The following MYOF variants were observed in gnomAD, a reference collection of about 807,000 sequenced individuals.
MYOF encodes the protein fer-1-like 3, myoferlin.
Under a neutral mutation model 284.2 loss-of-function variants are expected in MYOF, and 244 were observed. The observed-to-expected ratio is 0.86, with a 90% CI of 0.77 to 0.95. The LOEUF (loss-of-function observed/expected upper bound fraction) is 0.95, where lower values mean the gene tolerates loss of function less well. Among genes scored for constraint, MYOF ranks in the 40% least tolerant of loss-of-function variants. The probability of loss-of-function intolerance (pLI) is 0.00; values close to 1 mark genes in which losing one functional copy is unlikely to be tolerated. For synonymous variants in MYOF, 904 were observed against 919.7 expected (o/e 0.98, Z 0.31); for missense variants, 2,496 against 2,560.6 (o/e 0.97, Z 0.54).
At chr10:93,410,640 T>C (rs1365406737) in intron 5 of MYOF, among the ~76,000 whole-genome samples, 1 of 152,178 alleles carries the variant, frequency 6.6e-6, no homozygotes, top group Non-Finnish European at 1.5e-5. Context: ...ACGAGCTCTT[T>C]GAAACTCGCT....
Position 93,399,778 on chromosome 10 carries a change from A to G in MYOF, c.1118-283T>C, listed in dbSNP as rs191961921. ...TCCCAGCTACTCGGGAGGCTGAGGC[A>G]GGAGAACTGCTTGAACCTGGGAGGC... On this transcript the variant is annotated intron_variant, in intron 12 of 53. Transcript: ENST00000359263. 4.2e-3 allele frequency among the ~76,000 whole-genome samples: 643 copies of G among 152,330 alleles called. 4 individuals are homozygous for G. Among genetic ancestry groups the G allele is most frequent in the African/African-American group, 0.014 (601 of 41,580 alleles).
intron 22 of MYOF, among the ~76,000 whole-genome samples, chr10:93,375,220 G>A (rs772819761): frequency 4.0e-4 from 61 of 152,312 alleles, no homozygotes; most frequent in African/African-American, 1.4e-3. Flanking sequence ...TTTAACCTAC[G>A]GCCCAAGGAG....
At chr10:93,415,217 GC>G (rs766610658) in intron 5 of MYOF, among the ~76,000 whole-genome samples, 11 of 151,800 alleles carry the variant, frequency 7.2e-5, no homozygotes, top group Non-Finnish European at 1.0e-4. Flanking sequence ...CCCACTGCAT[GC>G]CCCTCGATCC....
chr10:93,338,375 T>G (rs184235554), intron 39 of MYOF: 283 of 456,794 alleles, frequency 6.2e-4, no homozygotes, highest in Non-Finnish European at 1.0e-3. Flanking sequence ...TTAATTCAAG[T>G]TCCTTCCTTT....
At chr10:93,405,831 TC>T (rs1847537374) in intron 7 of MYOF, among the ~76,000 whole-genome samples, 1 of 149,274 alleles carries the variant, frequency 6.7e-6, no homozygotes, top group South Asian at 2.1e-4. Context: ...GGAGTCTCTC[TC>T]TGTTGCCCAG....
chr10:93,389,854 A>G (rs1379791839), intron 17 of MYOF, among the ~76,000 whole-genome samples: 1 of 152,244 alleles, frequency 6.6e-6, no homozygotes, highest in African/African-American at 2.4e-5. Flanking sequence ...GTGGGGAAAT[A>G]TAAGAGTTGC....
chr10:93,365,557 A>T (rs1162809422), intron 26 of MYOF, among the ~76,000 whole-genome samples: 4 of 152,210 alleles, frequency 2.6e-5, no homozygotes, highest in Non-Finnish European at 5.9e-5. Context: ...CTAGACTTGG[A>T]TTCTAGCCCC....
chr10:93,476,134 C>G (rs140186889), intron 1 of MYOF, among the ~76,000 whole-genome samples: 3 of 151,920 alleles, frequency 2.0e-5, no homozygotes, highest in African/African-American at 7.2e-5. Context: ...CTTGATGAGT[C>G]CTATGGTGCT....
intron 3 of MYOF, among the ~76,000 whole-genome samples, chr10:93,451,657 T>A (rs1304524919): frequency 3.4e-5 from 5 of 149,142 alleles, no homozygotes. Context: ...AAAACTTGAA[T>A]GAGACATGTA....
At chr10:93,433,103 G>A (rs1277786816) in intron 3 of MYOF, among the ~76,000 whole-genome samples, 1 of 152,172 alleles carries the variant, frequency 6.6e-6, no homozygotes, top group Non-Finnish European at 1.5e-5. Flanking sequence ...AGAGTCACAT[G>A]CTTTCAGTAT....
intron 24 of MYOF, among the ~76,000 whole-genome samples, chr10:93,370,297 A>G (rs918669888): frequency 2.0e-5 from 3 of 149,652 alleles, no homozygotes; most frequent in South Asian, 2.1e-4. Context: ...CTGTTGATCA[A>G]GCAGTAATGA....
In MYOF at chr10:93,409,625, G is replaced by T; in HGVS notation, c.548C>A (p.Thr183Asn). Residue 183 changes from threonine to asparagine, a missense_variant, in exon 6 of 54, where the codon ACC becomes AAC. Transcript: ENST00000359263. Reference protein sequence around the residue: ...VSEAQLARRLTKVKNSRRMLS... With the variant: ...VSEAQLARRLNKVKNSRRMLS... Reference sequence around the variant, plus strand: ...CATCCGCCGGCTGTTCTTTACTTTGGTGAGCCTCCGAGCAAGCTGAGCTTC... The same window carrying T: ...CATCCGCCGGCTGTTCTTTACTTTGTTGAGCCTCCGAGCAAGCTGAGCTTC... 1 of 1,614,184 alleles carries T rather than the reference G, an allele frequency of 6.2e-7. No homozygotes were observed. Among genetic ancestry groups the T allele is most frequent in the Non-Finnish European group, 8.5e-7 (1 of 1,180,036 alleles).
intron 50 of MYOF, among the ~76,000 whole-genome samples, chr10:93,314,906 C>T (rs994538726): frequency 2.0e-5 from 3 of 152,028 alleles, no homozygotes; most frequent in Admixed American, 2.0e-4. Context: ...CAAAATTATC[C>T]AGGCTTGGTG....
chr10:93,431,028 T>TCTTTTCTTTTCTTTC (rs770294759), intron 4 of MYOF, among the ~76,000 whole-genome samples: 1 of 148,490 alleles, frequency 6.7e-6, no homozygotes, highest in African/African-American at 2.5e-5. Context: ...TCTTTTCTTT[T>TCTTTTCTTTTCTTTC]TTTTTTTTTT....
chr10:93,356,897 T>A, intron 29 of MYOF, 49 bp from the exon 30 acceptor site: 1 of 1,532,304 alleles, frequency 6.5e-7, no homozygotes, highest in Non-Finnish European at 8.9e-7. Context: ...ATGATGATAT[T>A]CCTTATTTTG....
chr10:93,355,376 C>G (rs576954942), intron 31 of MYOF, among the ~76,000 whole-genome samples: 2 of 152,232 alleles, frequency 1.3e-5, no homozygotes, highest in Admixed American at 1.3e-4. Context: ...GGTGGATCAC[C>G]TGAGGTCAGG....
intron 46 of MYOF, among the ~76,000 whole-genome samples, chr10:93,324,994 G>T (rs1456774689): frequency 6.6e-6 from 1 of 152,000 alleles, no homozygotes; most frequent in Non-Finnish European, 1.5e-5. Context: ...TGGCCAGGCT[G>T]GTCTCGAACT....
intron 9 of MYOF, among the ~76,000 whole-genome samples, chr10:93,403,442 G>A (rs1400685724): frequency 1.3e-5 from 2 of 152,226 alleles, no homozygotes; most frequent in African/African-American, 4.8e-5. Context: ...TCTGGGACAT[G>A]TGGCTACTTG....
At chr10:93,339,671 G>A (rs940796278) in intron 39 of MYOF, among the ~76,000 whole-genome samples, 4 of 151,422 alleles carry the variant, frequency 2.6e-5, no homozygotes, top group Non-Finnish European at 4.4e-5. Flanking sequence ...GGTTTTGCAT[G>A]TTGGCCAGGC....
Sources: gnomAD v4.1 joint callset for allele counts (sites outside exome capture counted in the v4.1 genomes callset) on GRCh38, gnomAD v4.1.1 for gene constraint, MANE v1.5 for transcripts, NCBI Gene and HGNC (gene_info 2026-07-23, HGNC 2026-07-21) for gene names.